Variants in TCIRG1 observed in about 807,000 individuals in gnomAD.
The protein encoded by TCIRG1 is V-type proton ATPase 116 kDa subunit a 3.
A neutral mutation model predicts 95.5 loss-of-function variants in TCIRG1; 86 were observed. The observed-to-expected ratio is 0.90, with a 90% CI of 0.76 to 1.08. The LOEUF is 1.08. TCIRG1 is among the 50% of genes least tolerant of loss of function. The probability of loss-of-function intolerance (pLI) is 0.00; values close to 1 mark genes in which losing one functional copy is unlikely to be tolerated. For missense variants in TCIRG1, 1,069 were observed against 1,140.2 expected (o/e 0.94, Z 0.90); for synonymous variants, 499 against 501.3 (o/e 1.00, Z 0.06).
In TCIRG1 at chr11:68,042,784, G is replaced by A; in HGVS notation, c.338G>A (p.Gly113Asp). ...RLAQELRDVR[G>D]NQQALRAQLH... is the part of the protein sequence containing the mutation. ...GCCCAGGAGCTGCGGGATGTGCGGG[G>A]CAACCAGCAGGCCCTGCGGGCCCAG... Residue 113 changes from glycine to aspartate, a missense_variant, in exon 4 of 20, where the codon GGC (glycine) becomes GAC (aspartate). Transcript: ENST00000265686. The A allele has an allele frequency of 1.3e-6, 2 of 1,548,056 alleles. No homozygotes were observed. Among genetic ancestry groups the A allele is most frequent in the East Asian group, 2.4e-5 (1 of 40,890 alleles).
chr11:68,041,672 G>A, intron 2 of TCIRG1, 81 bp from the exon 3 acceptor site: 1 of 1,198,140 alleles, frequency 8.3e-7, no homozygotes. Flanking sequence ...AAGGCCTGGG[G>A]AGAGTCAGGC....
In TCIRG1 at chr11:68,050,601, C is replaced by T. The variant is rs774219477; in HGVS notation, c.2351C>T (p.Thr784Ile). 2 of 1,613,518 alleles carry T rather than the reference C, an allele frequency of 1.2e-6. No homozygotes were observed. Among genetic ancestry groups the T allele is most frequent in the Non-Finnish European group, 1.7e-6 (2 of 1,180,034 alleles). Residue 784 changes from threonine to isoleucine, a missense_variant, in exon 19 of 20, where the codon ACC becomes ATC. Coordinates refer to ENST00000265686, the MANE Select transcript of TCIRG1 (RefSeq NM_006019.4). ...VPIFAAFAVM[T>I]VAILLVMEGL... ...ATCTTTGCCGCCTTTGCCGTGATGA[C>T]CGTGGCTATCCTGCTGGTGATGGAG...
chr11:68,052,147 C>CGTGG (rs1472188699), downstream of TCIRG1: 3 of 152,240 alleles, frequency 2.0e-5, no homozygotes, highest in African/African-American at 7.2e-5. Flanking sequence ...TCCTTGTCCA[C>CGTGG]GTGAGCTTAT....
At chr11:68,049,914 G>A in intron 16 of TCIRG1, 48 bp from the exon 17 acceptor site, 1 of 1,570,146 alleles carries the variant, frequency 6.4e-7, no homozygotes, top group African/African-American at 1.3e-5. Context: ...GGTGGTGGGG[G>A]ACCTCCTGGG....
Position 68,044,933 on chromosome 11 carries a change from G to A in TCIRG1, c.1021-25G>A, listed in dbSNP as rs542024448. 26 of 1,605,172 alleles carry A rather than the reference G, an allele frequency of 1.6e-5. No individual in the cohort carries two copies. The Admixed American group carries it at 3.3e-4, about 21-fold the overall frequency. On this transcript the variant is annotated intron_variant, in intron 9 of 19. Transcript: ENST00000265686. The stretch of plus-strand genomic sequence containing the variant: ...CCCTGAAGGCCCCCGCCACCGTTCT[G>A]GTCTGTCTCTGCCCTGGCACCCAGA...
At position 68,048,916 on chromosome 11, in the gene TCIRG1, A is replaced by G. The variant is rs1473426639; in HGVS notation, c.1592A>G (p.Asn531Ser). ...GCTGCCAACCACTTGAGCTTCCTCA[A>G]CTCCTTCAAGATGAAGATGTCCGTC... ...SLAANHLSFL[N>S]SFKMKMSVIL... Residue 531 changes from asparagine (N) to serine (S), a missense_variant, in exon 14 of 20, where the codon AAC becomes AGC. Physicochemically the swap from Asn to Ser is conservative, Grantham distance 46. Coordinates refer to ENST00000265686, the MANE Select transcript of TCIRG1 (RefSeq NM_006019.4). 2.5e-6 allele frequency: 4 copies of G among 1,612,794 alleles called. No homozygotes were observed. Among genetic ancestry groups the G allele is most frequent in the East Asian group, 2.2e-5 (1 of 44,862 alleles).
chr11:68,046,086 G>A (rs1211216146), intron 10 of TCIRG1, among the ~76,000 whole-genome samples: 1 of 152,212 alleles, frequency 6.6e-6, no homozygotes, highest in Non-Finnish European at 1.5e-5. Flanking sequence ...ATAGAATGCT[G>A]CCAGCTCAAA....
chr11:68,050,548 G>C lies in TCIRG1; in HGVS notation c.2298G>C (p.Val766=), dbSNP rs1185964827. The change falls in exon 19 of 20, where the codon GTG becomes GTC. Residue 766 remains valine, a synonymous_variant. Coordinates refer to ENST00000265686, the MANE Select transcript of TCIRG1 (RefSeq NM_006019.4). ...TAGGCCTGGGCCTGGGCCGGGAGGT[G>C]GGCGTGGCGGCTGTGGTGCTGGTCC... is the stretch of plus-strand genomic sequence containing the variant. The part of the protein sequence containing the change: ...MRIGLGLGRE[V]GVAAVVLVPI... 2.5e-6 allele frequency: 4 copies of C among 1,613,640 alleles called. No homozygotes were observed. Among genetic ancestry groups the C allele is most frequent in the Non-Finnish European group, 3.4e-6 (4 of 1,180,034 alleles).
In TCIRG1 at chr11:68,049,155, A is replaced by G; in HGVS notation, c.1748A>G (p.Tyr583Cys). The G allele has an allele frequency of 6.2e-7, 1 of 1,613,894 alleles. No individual in the cohort carries two copies. The highest frequency in any genetic ancestry group is 8.5e-7 in the Non-Finnish European group (1 of 1,179,996). ...ACCTTCCTGCTGGGACTCTTCGGTT[A>G]CCTCGTGTTCCTAGTCATCTACAAG... ...ELTFLLGLFG[Y>C]LVFLVIYKWL... is the part of the protein sequence containing the mutation. The change falls in exon 15 of 20, where the codon TAC (tyrosine) becomes TGC (cysteine). Residue 583 changes from tyrosine (Y) to cysteine (C), a missense_variant. Transcript: ENST00000265686.
At chr11:68,051,215 G>T (rs533780655), downstream of TCIRG1, among the ~76,000 whole-genome samples, 1 of 152,162 alleles carries the variant, frequency 6.6e-6, no homozygotes, top group Non-Finnish European at 1.5e-5. Context: ...CCCTGGTGCC[G>T]GGCCTCAGGG....
At chr11:68,046,452 C>T (rs1226966944) in intron 10 of TCIRG1, among the ~76,000 whole-genome samples, 2 of 152,190 alleles carry the variant, frequency 1.3e-5, no homozygotes, top group Non-Finnish European at 2.9e-5. Flanking sequence ...CGGCCGTCCT[C>T]ATCTTCACAC....
Position 68,044,825 on chromosome 11 carries a change from G to A in TCIRG1, c.1021-133G>A, listed in dbSNP as rs760009864. 2.4e-5 allele frequency: 27 copies of A among 1,144,568 alleles called. 1 individual carries two copies. Among genetic ancestry groups the A allele is most frequent in the South Asian group, 5.2e-5 (4 of 76,464 alleles). 70.9% of individuals were successfully genotyped at this position (1,144,568 alleles called of 1,614,324 possible). On this transcript the variant is annotated intron_variant, in intron 9 of 19. Transcript: ENST00000265686. ...GGCAGAGCAGGGCTGATCATCTCAC[G>A]TCAGAGAGAGGGGAAGGGGCTGCCC...
At chr11:68,042,245 A>G (rs1400732012) in intron 3 of TCIRG1, among the ~76,000 whole-genome samples, 3 of 152,076 alleles carry the variant, frequency 2.0e-5, no homozygotes, top group African/African-American at 7.2e-5. Context: ...GCCCTGGGCA[A>G]CCCCTCTCAG....
Position 68,050,391 on chromosome 11 carries a change from C to T in TCIRG1, c.2237-96C>T, listed in dbSNP as rs1855742382. 5 of 1,607,262 alleles carry T rather than the reference C, an allele frequency of 3.1e-6. No individual in the cohort carries two copies. The South Asian group carries it at 4.4e-5, about 14-fold the overall frequency. On this transcript the variant is annotated intron_variant, in intron 18 of 19. Coordinates refer to ENST00000265686, the MANE Select transcript of TCIRG1 (RefSeq NM_006019.4). Reference sequence around the variant, plus strand: ...ACTGTCCAAGGAGGTCCCTCGCTGGCCCCCCGTGCAGGGAGGGCTTCAGGC... The same window carrying T: ...ACTGTCCAAGGAGGTCCCTCGCTGGTCCCCCGTGCAGGGAGGGCTTCAGGC...
intron 10 of TCIRG1, among the ~76,000 whole-genome samples, chr11:68,046,089 A>G (rs973276198): frequency 2.0e-5 from 3 of 152,254 alleles, no homozygotes. Context: ...GAATGCTGCC[A>G]GCTCAAAGCA....
In TCIRG1 at chr11:68,043,795, C is replaced by A. The variant is rs10896289; in HGVS notation, c.714-19C>A. On this transcript the variant is annotated intron_variant, in intron 7 of 19. Coordinates refer to ENST00000265686, the MANE Select transcript of TCIRG1 (RefSeq NM_006019.4). The stretch of plus-strand genomic sequence containing the variant: ...AGCTGTGTCCTTCTGGCCCCTCACG[C>A]AGCGCATCCTCCCTCCAGCTTCCAC... 269,280 of 1,555,328 alleles carry A rather than the reference C, an allele frequency of 0.17. 24,582 individuals carry two copies. Among genetic ancestry groups the A allele is most frequent in the African/African-American group, 0.25 (18,401 of 73,436 alleles).
rs147580611 is a variant in TCIRG1, at chr11:68,049,236, T to C, written c.1829T>C (p.Phe610Ser). ...AASAPSILIHFINMFLFSHSP... is the reference protein window; with the variant it reads ...AASAPSILIHSINMFLFSHSP... ...TCGGCCCCCAGCATCCTCATCCACTTCATCAACATGTTCCTCTTCTCCCAC... is the reference window on the plus strand; with the variant it reads ...TCGGCCCCCAGCATCCTCATCCACTCCATCAACATGTTCCTCTTCTCCCAC... Residue 610 changes from phenylalanine (F) to serine (S), a missense_variant, in exon 15 of 20, where the codon TTC (phenylalanine) becomes TCC (serine). Physicochemically the swap from Phe to Ser is radical, Grantham distance 155. Transcript: ENST00000265686. 1.2e-6 allele frequency: 2 copies of C among 1,613,696 alleles called. No homozygotes were observed. The highest frequency in any genetic ancestry group is 2.7e-5 in the African/African-American group (2 of 74,942).
chr11:68,044,181 TGCA>T lies in TCIRG1; in HGVS notation c.860_862del (p.Gln287del), dbSNP rs1309487984. On this transcript the variant is annotated inframe_deletion, in exon 9 of 20. Transcript: ENST00000265686. ...CTGAGCCAGGTGCTAGGCCGGGTGC[TGCA>T]GCTGCTGCCGCCAGGGCAGGTGCAG... 2 of 1,555,060 alleles carry T rather than the reference TGCA, an allele frequency of 1.3e-6. No individual in the cohort carries two copies. The highest frequency in any genetic ancestry group is 1.7e-6 in the Non-Finnish European group (2 of 1,149,782).
downstream of TCIRG1, chr11:68,053,220 G>A (rs1855864682): frequency 6.5e-6 from 1 of 152,730 alleles, no homozygotes. Flanking sequence ...GGCTCCCCTG[G>A]GAGGGGAGCC....
Sources: allele counts gnomAD v4.1 joint callset (sites outside exome capture counted in the v4.1 genomes callset), GRCh38; gene constraint gnomAD v4.1.1; transcripts MANE v1.5; gene names NCBI Gene and HGNC (gene_info 2026-07-23, HGNC 2026-07-21).